The following RAB3GAP1 variants were observed in gnomAD, a reference collection of about 807,000 sequenced individuals.
The protein encoded by RAB3GAP1 is RAB3 GTPase activating protein catalytic subunit 1, also known as rab3 GTPase-activating protein catalytic subunit.
RAB3GAP1 carries 86 observed loss-of-function variants against 130.7 expected under a neutral mutation model. That is an observed-to-expected ratio of 0.66 (90% confidence interval 0.55 to 0.79). RAB3GAP1 has a LOEUF of 0.79. RAB3GAP1 is among the 30% of genes least tolerant of loss of function. RAB3GAP1 has a pLI of 0.00. For missense variants in RAB3GAP1, 1,029 were observed against 1,169.4 expected, an observed-to-expected ratio of 0.88 and a Z score of 1.75; for synonymous variants, 367 against 401.7, an observed-to-expected ratio of 0.91 and a Z score of 1.03.
intron 3 of RAB3GAP1, among the ~76,000 whole-genome samples, chr2:135,082,127 G>A (rs941051887): frequency 3.1e-5 from 4 of 128,556 alleles, no homozygotes; most frequent in Admixed American, 2.4e-4. Context: ...GGGTGACAGA[G>A]CAAGACTCTG....
At position 135,082,164 on chromosome 2, in the gene RAB3GAP1, T is replaced by TG. The variant is rs1400932617; in HGVS notation, c.151-8834_151-8833insG. On this transcript the variant is annotated intron_variant, in intron 3 of 23. Coordinates refer to ENST00000264158, the MANE Select transcript of RAB3GAP1 (RefSeq NM_012233.3). Reference sequence around the variant, plus strand: ...CTCAATGAATGAATGAATGAATGAATAAATAAATAAAGATTTTAATTGAAA... The same window carrying TG: ...CTCAATGAATGAATGAATGAATGAATGAAATAAATAAAGATTTTAATTGAAA... Among the ~76,000 whole-genome samples the TG allele has an allele frequency of 4.5e-4, 69 of 152,046 alleles. 1 individual carries two copies. The highest frequency in any genetic ancestry group is 1.3e-3 in the African/African-American group (55 of 41,468).
At chr2:135,129,919 A>T in intron 11 of RAB3GAP1, 76 bp from the exon 12 acceptor site, 1 of 939,462 alleles carries the variant, frequency 1.1e-6, no homozygotes, top group Admixed American at 2.1e-5. Flanking sequence ...TTTTGTGGAA[A>T]GATGTACTTT....
intron 17 of RAB3GAP1, among the ~76,000 whole-genome samples, chr2:135,145,385 AACACACACACACAT>A (rs918658807): frequency 4.4e-4 from 63 of 143,030 alleles, no homozygotes; most frequent in African/African-American, 1.3e-3. Flanking sequence ...ACCCCTCACC[AACACACACACACAT>A]ACACACACAC....
chr2:135,117,168 A>G (rs1323160029), intron 7 of RAB3GAP1, among the ~76,000 whole-genome samples: 2 of 152,220 alleles, frequency 1.3e-5, no homozygotes, highest in Non-Finnish European at 2.9e-5. Context: ...TAGAAAAATT[A>G]CAGGTGCTTC....
intron 3 of RAB3GAP1, among the ~76,000 whole-genome samples, chr2:135,077,898 ATTTC>A (rs1689675461): frequency 6.6e-6 from 1 of 152,072 alleles, no homozygotes; most frequent in South Asian, 2.1e-4. Context: ...CAATTGGGTT[ATTTC>A]TTTTGTTGTC....
At chr2:135,101,390 T>C (rs964038063) in intron 5 of RAB3GAP1, among the ~76,000 whole-genome samples, 2 of 152,332 alleles carry the variant, frequency 1.3e-5, no homozygotes, top group Non-Finnish European at 2.9e-5. Context: ...AAAACGATTT[T>C]GCAATATATG....
chr2:135,126,749 T>C (rs943040078), intron 11 of RAB3GAP1, 93 bp downstream of exon 11: 1 of 1,096,422 alleles, frequency 9.1e-7, no homozygotes, highest in Non-Finnish European at 1.4e-6. Context: ...CTTTGTCACC[T>C]CTTCAGTTAA....
chr2:135,058,290 GTT>G, intron 3 of RAB3GAP1: 4 of 530,964 alleles, frequency 7.5e-6, no homozygotes, highest in Middle Eastern at 4.3e-4. Context: ...GTTTAATAAA[GTT>G]ATATATATGT....
intron 17 of RAB3GAP1, among the ~76,000 whole-genome samples, chr2:135,147,615 T>TCCCCCCCCCC (rs1553448280): frequency 1.5e-5 from 2 of 132,996 alleles, no homozygotes; most frequent in South Asian, 2.9e-4. Flanking sequence ...AGTAGTCCCC[T>TCCCCCCCCCC]CCCCCCCCCT....
intron 5 of RAB3GAP1, among the ~76,000 whole-genome samples, chr2:135,109,510 A>T (rs974861769): frequency 2.0e-5 from 3 of 151,890 alleles, no homozygotes; most frequent in African/African-American, 7.3e-5. Context: ...GAAATATGTA[A>T]TTCGTTTGAG....
intron 3 of RAB3GAP1, among the ~76,000 whole-genome samples, chr2:135,061,673 G>GT (rs938949883): frequency 3.3e-4 from 50 of 150,692 alleles, no homozygotes; most frequent in East Asian, 7.8e-4. Flanking sequence ...AGTTCTTTTA[G>GT]TTTTTTTTTG....
intron 3 of RAB3GAP1, among the ~76,000 whole-genome samples, chr2:135,085,661 A>G (rs948409498): frequency 6.6e-6 from 1 of 152,174 alleles, no homozygotes; most frequent in African/African-American, 2.4e-5. Flanking sequence ...CATAATTGCC[A>G]TTACTGTCTT....
intron 3 of RAB3GAP1, among the ~76,000 whole-genome samples, chr2:135,069,590 A>G (rs563625730): frequency 7.6e-4 from 116 of 152,290 alleles, no homozygotes; most frequent in African/African-American, 2.5e-3. Context: ...TGTGTTTAAG[A>G]TATGTTTACA....
chr2:135,142,898 T>C (rs953480901), intron 17 of RAB3GAP1, among the ~76,000 whole-genome samples: 10 of 151,934 alleles, frequency 6.6e-5, no homozygotes, highest in African/African-American at 2.4e-4. Context: ...TTTTTTTTTT[T>C]TTAGGATTTT....
intron 3 of RAB3GAP1, among the ~76,000 whole-genome samples, chr2:135,070,204 A>G (rs1445879172): frequency 6.6e-6 from 1 of 152,228 alleles, no homozygotes; most frequent in Non-Finnish European, 1.5e-5. Context: ...ACAGAGGCAG[A>G]CAGACAGACA....
chr2:135,143,534 A>G (rs144655232), intron 17 of RAB3GAP1, among the ~76,000 whole-genome samples: 99 of 148,760 alleles, frequency 6.7e-4, no homozygotes, highest in African/African-American at 2.3e-3. Flanking sequence ...TTGATATTCA[A>G]CCTTTCTTCT....
chr2:135,059,443 C>G (rs868507781), intron 3 of RAB3GAP1, among the ~76,000 whole-genome samples: 1 of 151,782 alleles, frequency 6.6e-6, no homozygotes, highest in South Asian at 2.1e-4. Flanking sequence ...ATCAGTGTTG[C>G]CATTGAACAT....
intron 3 of RAB3GAP1, among the ~76,000 whole-genome samples, chr2:135,072,894 A>G (rs1366444037): frequency 6.6e-6 from 1 of 152,216 alleles, no homozygotes; most frequent in African/African-American, 2.4e-5. Flanking sequence ...TTGTCTACAT[A>G]CTGTAGAAGT....
chr2:135,138,856 A>G (rs551351713), intron 17 of RAB3GAP1, among the ~76,000 whole-genome samples: 13 of 152,118 alleles, frequency 8.5e-5, no homozygotes, highest in South Asian at 2.1e-4. Flanking sequence ...ACCTCAAGCA[A>G]TCCTCTGTTT....
Sources: gnomAD v4.1 joint callset for allele counts (sites outside exome capture counted in the v4.1 genomes callset) on GRCh38, gnomAD v4.1.1 for gene constraint, MANE v1.5 for transcripts, NCBI Gene and HGNC (gene_info 2026-07-23, HGNC 2026-07-21) for gene names.